Variants in BOD1L1 observed in about 807,000 individuals in gnomAD.
The protein encoded by BOD1L1 is biorientation of chromosomes in cell division 1 like 1.
BOD1L1 carries 86 observed loss-of-function variants against 240.7 expected under a neutral mutation model. The ratio of observed to expected loss-of-function variants is 0.36; its 90% CI spans 0.30 to 0.43. BOD1L1 has a LOEUF of 0.43. BOD1L1 is among the 20% of genes least tolerant of loss of function. The pLI, the probability that BOD1L1 is intolerant of heterozygous loss-of-function variation, is 1.00. For synonymous variants in BOD1L1, 1,268 were observed against 1,272.3 expected, an observed-to-expected ratio of 1.00 and a Z score of 0.07; for missense variants, 3,554 against 3,643.5, an observed-to-expected ratio of 0.98 and a Z score of 0.63.
Position 13,605,034 on chromosome 4 carries a change from A to G in BOD1L1, c.1866T>C (p.His622=). Residue 622 remains histidine, a synonymous_variant, in exon 10 of 26, where the codon CAT becomes CAC. Coordinates refer to ENST00000040738, the MANE Select transcript of BOD1L1 (RefSeq NM_148894.3). ...CAGGTTTACTTGGTTCACTTTTTGC[A>G]TGAACATGCTTCAGCTCCTTTGAAG... ...ISSSKELKHV[H]AKSEPSKPAR... 1.9e-6 allele frequency: 3 copies of G among 1,601,240 alleles called. No homozygotes were observed. Among genetic ancestry groups the G allele is most frequent in the East Asian group, 2.2e-5 (1 of 44,554 alleles).
At chr4:13,611,655 G>C (rs10033869) in intron 5 of BOD1L1, among the ~76,000 whole-genome samples, 2,718 of 152,284 alleles carry the variant, frequency 0.018, 86 homozygotes, top group African/African-American at 0.062. Context: ...CAAGGCACTG[G>C]AGCTATCTCT....
chr4:13,571,363 T>C (rs1388302960), intron 25 of BOD1L1, among the ~76,000 whole-genome samples: 1 of 152,258 alleles, frequency 6.6e-6, no homozygotes, highest in African/African-American at 2.4e-5. Context: ...GTTTCTTGTT[T>C]GACAGCAAAA....
Position 13,594,046 on chromosome 4 carries a change from C to T in BOD1L1, c.8104+1814G>A, listed in dbSNP as rs191513717. ...GGCTATGAATGAGAAAGCAATGACC[C>T]TTATTCAGGGGATGAGGAAGAAGAC... On this transcript the variant is annotated intron_variant, in intron 12 of 25. Coordinates refer to ENST00000040738, the MANE Select transcript of BOD1L1 (RefSeq NM_148894.3). Among the ~76,000 whole-genome samples, 415 of 152,294 alleles carry T rather than the reference C, an allele frequency of 2.7e-3. 4 individuals carry two copies. The highest frequency in any genetic ancestry group is 2.3e-3 in the East Asian group (12 of 5,184).
rs1008896641 is a variant in BOD1L1 at position 13,609,438 on chromosome 4, A to C, written c.1492-32T>G. 3.0e-6 allele frequency: 4 copies of C among 1,331,596 alleles called. No homozygotes were observed. The African/African-American group carries it at 6.1e-5, about 20-fold the overall frequency. 82.5% of individuals were successfully genotyped at this position (1,331,596 alleles called of 1,614,324 possible). A position where few individuals can be genotyped will look rare whatever the true frequency, so the allele number is the denominator to read the frequency against. ...CCACAAAATACCCTAACAGATTATT[A>C]GGCAAAGGCAAAAACACACTGAAAA... On this transcript the variant is annotated intron_variant, in intron 6 of 25. Coordinates refer to ENST00000040738, the MANE Select transcript of BOD1L1 (RefSeq NM_148894.3).
At chr4:13,622,112 T>G (rs2109916) in intron 1 of BOD1L1, among the ~76,000 whole-genome samples, 137,396 of 152,122 alleles carry the variant, frequency 0.9, 63,099 homozygotes, top group East Asian at 1. Context: ...TGATCCACCT[T>G]TCTCGGCCTC....
Position 13,603,022 on chromosome 4 carries a change from C to T in BOD1L1, c.3878G>A (p.Arg1293Lys). ...AATTACATCTGGATCATACGATTCC[C>T]TCAGAGGCACAACAGTCACTGAACT... ...SLSSVTVVPL[R>K]ESYDPDVIPL... is the part of the protein sequence containing the mutation. Residue 1293 changes from arginine to lysine, a missense_variant, in exon 10 of 26, where the codon AGG (arginine) becomes AAG (lysine). By Grantham distance (26) the Arg-to-Lys change is conservative (BLOSUM62 2). Coordinates refer to ENST00000040738, the MANE Select transcript of BOD1L1 (RefSeq NM_148894.3). 6.2e-7 allele frequency: 1 copy of T among 1,613,980 alleles called. No homozygotes were observed. Among genetic ancestry groups the T allele is most frequent in the African/African-American group, 1.3e-5 (1 of 75,036 alleles).
chr4:13,588,421 C>T (rs1314500905), intron 15 of BOD1L1, among the ~76,000 whole-genome samples: 1 of 152,100 alleles, frequency 6.6e-6, no homozygotes, highest in African/African-American at 2.4e-5. Flanking sequence ...TGGCACATCA[C>T]AATTAGTATT....
intron 18 of BOD1L1, 52 bp downstream of exon 18, chr4:13,582,600 G>C (rs188564359): frequency 1.5e-6 from 2 of 1,358,904 alleles, no homozygotes; most frequent in South Asian, 1.2e-5. Context: ...TGAGAGACAC[G>C]CTGGCTGCTT....
At chr4:13,611,694 G>C (rs1481824891) in intron 5 of BOD1L1, among the ~76,000 whole-genome samples, 1 of 152,220 alleles carries the variant, frequency 6.6e-6, no homozygotes, top group Non-Finnish European at 1.5e-5. Flanking sequence ...CTGCGCCTCA[G>C]AGTTCTCTTG....
At chr4:13,615,166 C>T (rs1010362159) in intron 3 of BOD1L1, 146 bp downstream of exon 3, 16 of 807,738 alleles carry the variant, frequency 2.0e-5, no homozygotes, top group Non-Finnish European at 3.0e-5. Flanking sequence ...AATGTTATGG[C>T]AATTGAGGAA....
At chr4:13,586,536 T>C in intron 16 of BOD1L1, 61 bp from the exon 17 acceptor site, 4 of 1,140,074 alleles carry the variant, frequency 3.5e-6, no homozygotes, top group East Asian at 2.4e-5. Context: ...ATGAAATGCA[T>C]AGTTCTATTT....
intron 14 of BOD1L1, among the ~76,000 whole-genome samples, chr4:13,589,497 A>G (rs959191946): frequency 7.2e-5 from 11 of 152,242 alleles, no homozygotes; most frequent in Admixed American, 6.5e-4. Flanking sequence ...AAAATCTTAG[A>G]ACGCTGCTGA....
rs777075798 is a variant in BOD1L1 at position 13,601,943 on chromosome 4, C to A, written c.4957G>T (p.Ala1653Ser). Reference sequence around the variant, plus strand: ...TCTTCAGAGCCTGCACTGGTTACAGCATCATCCTTTTCCTCTGTCACAACG... The same window carrying A: ...TCTTCAGAGCCTGCACTGGTTACAGAATCATCCTTTTCCTCTGTCACAACG... ...NSVVTEEKDD[A>S]VTSAGSEEKC... The change falls in exon 10 of 26, where the codon GCT (alanine) becomes TCT (serine). Residue 1653 changes from alanine (A) to serine (S), a missense_variant. This residue lies in a region of BOD1L1 where 3,393 missense variants were observed against 3,427.1 expected (regional missense o/e 0.99). Coordinates refer to ENST00000040738, the MANE Select transcript of BOD1L1 (RefSeq NM_148894.3). 6.2e-7 allele frequency: 1 copy of A among 1,613,996 alleles called. No homozygotes were observed. The highest frequency in any genetic ancestry group is 8.5e-7 in the Non-Finnish European group (1 of 1,179,896).
At chr4:13,614,101 A>C (rs934337001) in intron 4 of BOD1L1, 95 bp downstream of exon 4, 1 of 1,141,780 alleles carries the variant, frequency 8.8e-7, no homozygotes, top group South Asian at 1.9e-5. Flanking sequence ...AGTATTAAAT[A>C]AACTTATTAA....
At chr4:13,585,467 C>T (rs574775769) in intron 17 of BOD1L1, among the ~76,000 whole-genome samples, 9 of 149,998 alleles carry the variant, frequency 6.0e-5, no homozygotes, top group Non-Finnish European at 1.3e-4. Flanking sequence ...GAAGAACACC[C>T]AAGAAGAGGT....
rs144997360 is a variant in BOD1L1, at chr4:13,576,776, G to A, written c.9038+62C>T. ...TTCAAAGAGAATCCCAGAAAACCCAGAGCAATTTTCAGATGGAGAAGCTGG... is the reference window on the plus strand; with the variant it reads ...TTCAAAGAGAATCCCAGAAAACCCAAAGCAATTTTCAGATGGAGAAGCTGG... On this transcript the variant is annotated intron_variant, in intron 25 of 25. Coordinates refer to ENST00000040738, the MANE Select transcript of BOD1L1 (RefSeq NM_148894.3). 10,319 of 1,545,668 alleles carry A rather than the reference G, an allele frequency of 6.7e-3. 60 individuals carry two copies. The highest frequency in any genetic ancestry group is 7.7e-3 in the Non-Finnish European group (8,885 of 1,150,540).
rs1715268052 is a variant in BOD1L1, at chr4:13,602,367, T to C, written c.4533A>G (p.Arg1511=). 4 of 1,613,792 alleles carry C rather than the reference T, an allele frequency of 2.5e-6. No homozygotes were observed. Among genetic ancestry groups the C allele is most frequent in the South Asian group, 2.2e-5 (2 of 91,068 alleles). The change falls in exon 10 of 26, where the codon AGA becomes AGG. Residue 1511 remains arginine (R), a synonymous_variant. Coordinates refer to ENST00000040738, the MANE Select transcript of BOD1L1 (RefSeq NM_148894.3). ...TAGTGGCAACAGAAGTCTTTTCTGC[T>C]CTCCTAGGCCCAGTTGCCACATCCT... is the stretch of plus-strand genomic sequence containing the variant. ...QTEDVATGPR[R]AEKTSVATST...
Position 13,611,107 on chromosome 4 carries a change from G to C in BOD1L1, c.1325-7C>G, listed in dbSNP as rs372337776. On this transcript the variant is annotated splice_region_variant and splice_polypyrimidine_tract_variant and intron_variant, in intron 5 of 25. Transcript: ENST00000040738. ...TGTTTGTTCTTCTCTTCATCTGTAAGAAAGTTAATAGAAAGAGGAGTATGT... is the reference window on the plus strand; with the variant it reads ...TGTTTGTTCTTCTCTTCATCTGTAACAAAGTTAATAGAAAGAGGAGTATGT... 11 of 1,580,008 alleles carry C rather than the reference G, an allele frequency of 7.0e-6. No individual in the cohort carries two copies. Among genetic ancestry groups the C allele is most frequent in the Non-Finnish European group, 9.5e-6 (11 of 1,155,670 alleles).
chr4:13,608,661 ACTC>A lies in BOD1L1; in HGVS notation c.1608_1610del (p.Arg536del). On this transcript the variant is annotated inframe_deletion, in exon 8 of 26. Transcript: ENST00000040738. ...TTGATGATTCTTCTAAGTCCACACT[ACTC>A]CTGCCTAGAAAAGAAGCAATCAATA... 2 of 1,468,192 alleles carry A rather than the reference ACTC, an allele frequency of 1.4e-6. No homozygotes were observed. The highest frequency in any genetic ancestry group is 1.5e-5 in the South Asian group (1 of 66,312). The allele number at this position is 1,468,192 out of a possible 1,614,324, so 90.9% of individuals were successfully genotyped here.
Sources: gnomAD v4.1 joint callset for allele counts (sites outside exome capture counted in the v4.1 genomes callset) on GRCh38, gnomAD v4.1.1 for gene constraint, gnomAD v4.1.1 regional missense constraint, MANE v1.5 for transcripts, NCBI Gene and HGNC (gene_info 2026-07-23, HGNC 2026-07-21) for gene names.